Variants in IQCH observed in about 807,000 individuals in gnomAD.
IQCH encodes IQ motif containing H.
A neutral mutation model predicts 117.0 loss-of-function variants in IQCH; 98 were observed. The ratio of observed to expected loss-of-function variants is 0.84; its 90% CI spans 0.71 to 0.99. The LOEUF (loss-of-function observed/expected upper bound fraction) is 0.99. Among genes scored for constraint, IQCH ranks in the 50% least tolerant of loss-of-function variants. The pLI, the probability that IQCH is intolerant of heterozygous loss-of-function variation, is 0.00. For missense variants in IQCH, 1,102 were observed against 1,243.8 expected, an observed-to-expected ratio of 0.89 and a Z score of 1.72; for synonymous variants, 412 against 448.2, an observed-to-expected ratio of 0.92 and a Z score of 1.02.
intron 18 of IQCH, among the ~76,000 whole-genome samples, chr15:67,480,272 A>G (rs1283446076): frequency 6.6e-6 from 1 of 152,216 alleles, no homozygotes; most frequent in Non-Finnish European, 1.5e-5. Context: ...CTCCTCCTGA[A>G]GTTGGGCATG....
rs1362795318 is a variant in IQCH at position 67,425,856 on chromosome 15, C to A, written c.2505+4279C>A. On this transcript the variant is annotated intron_variant, in intron 16 of 20. Transcript: ENST00000335894. This position sits in a 1 kb window ranked among gnomAD's most constrained non-coding sequence, Gnocchi z 5.5. ...GCAAGAAACAATTTTCCTTCTCCAC[C>A]TCTCATTTATGCCTGTAGGTCTGTA... Among the ~76,000 whole-genome samples the A allele has an allele frequency of 6.6e-6, 1 of 152,112 alleles. No homozygotes were observed. Among genetic ancestry groups the A allele is most frequent in the Admixed American group, 6.5e-5 (1 of 15,270 alleles).
At chr15:67,299,527 T>C (rs1230655784) in intron 4 of IQCH, among the ~76,000 whole-genome samples, 2 of 152,184 alleles carry the variant, frequency 1.3e-5, no homozygotes, top group East Asian at 3.8e-4. Context: ...ACTCATTATA[T>C]GCTTGTATGA....
intron 10 of IQCH, among the ~76,000 whole-genome samples, chr15:67,375,129 T>C (rs1031523839): frequency 5.3e-5 from 8 of 152,096 alleles, no homozygotes; most frequent in Non-Finnish European, 1.2e-4. Flanking sequence ...ATAAAAAAAT[T>C]TGAGTGAAAG....
At position 67,391,146 on chromosome 15, in the gene IQCH, C is replaced by G. The variant is rs554107127; in HGVS notation, c.1632+2140C>G. Among the ~76,000 whole-genome samples, 1 of 152,168 alleles carries G rather than the reference C, an allele frequency of 6.6e-6. No individual in the cohort carries two copies. Among genetic ancestry groups the G allele is most frequent in the East Asian group, 2.0e-4 (1 of 5,112 alleles). The stretch of plus-strand genomic sequence containing the variant: ...ACTCTGGCTTCTAGTGGACTAGAAG[C>G]CAGGAGACAGGCACTCACAGATGCA... On this transcript the variant is annotated intron_variant, in intron 12 of 20. Coordinates refer to ENST00000335894, the MANE Select transcript of IQCH (RefSeq NM_001031715.3). This position sits in a 1 kb window ranked among gnomAD's most constrained non-coding sequence, Gnocchi z 4.3.
At chr15:67,410,876 G>A (rs968897077) in intron 14 of IQCH, among the ~76,000 whole-genome samples, 18 of 152,168 alleles carry the variant, frequency 1.2e-4, no homozygotes, top group African/African-American at 3.6e-4. Flanking sequence ...CTTGATGGCA[G>A]TTACCAGCAC....
intron 16 of IQCH, among the ~76,000 whole-genome samples, chr15:67,450,653 A>G (rs2082501555): frequency 6.6e-6 from 1 of 152,152 alleles, no homozygotes; most frequent in Non-Finnish European, 1.5e-5. Flanking sequence ...TTTTGCATCA[A>G]TGTTCATCAA....
chr15:67,296,693 A>G (rs146155358), intron 4 of IQCH, among the ~76,000 whole-genome samples: 47 of 152,274 alleles, frequency 3.1e-4, no homozygotes, highest in African/African-American at 1.1e-3. Context: ...TCCATCACCT[A>G]ACATTTCTTT....
At chr15:67,338,054 A>G (rs576003889) in intron 5 of IQCH, among the ~76,000 whole-genome samples, 1 of 152,322 alleles carries the variant, frequency 6.6e-6, no homozygotes, top group African/African-American at 2.4e-5. Flanking sequence ...TATGCTTTCT[A>G]GTTAGCTTAT....
chr15:67,398,913 A>G (rs879900679), intron 13 of IQCH, among the ~76,000 whole-genome samples: 10 of 152,176 alleles, frequency 6.6e-5, no homozygotes, highest in Non-Finnish European at 1.3e-4. Flanking sequence ...AGAAGACAAG[A>G]CAGAAAAATC....
intron 4 of IQCH, among the ~76,000 whole-genome samples, chr15:67,283,207 G>T (rs8029582): frequency 0.68 from 103,748 of 152,004 alleles, 35,856 homozygotes; most frequent in Middle Eastern, 0.84. Flanking sequence ...GCCAGTTGTT[G>T]AACCCCCACT....
In IQCH at chr15:67,407,843, C is replaced by G. The variant is rs1456393337; in HGVS notation, c.2097+7538C>G. The G allele has an allele frequency of 6.6e-6, 1 of 152,186 alleles. No individual in the cohort carries two copies. The highest frequency in any genetic ancestry group is 2.4e-5 in the African/African-American group (1 of 41,440). The allele number at this position is 152,186 out of a possible 1,614,324, so 9.4% of individuals were successfully genotyped here. ...AGTCTGGAAACACTCTACCTTCCAG[C>G]CATTAGCTCTCACTAATTCATAGCA... On this transcript the variant is annotated intron_variant, in intron 14 of 20. Coordinates refer to ENST00000335894, the MANE Select transcript of IQCH (RefSeq NM_001031715.3). The surrounding 1 kb of genome is among the most constrained non-coding windows in gnomAD (Gnocchi z 5.3).
Position 67,408,023 on chromosome 15 carries a change from CA to C in IQCH, c.2097+7721del, listed in dbSNP as rs2081352963. On this transcript the variant is annotated intron_variant, in intron 14 of 20. Coordinates refer to ENST00000335894, the MANE Select transcript of IQCH (RefSeq NM_001031715.3). The surrounding 1 kb of genome is among the most constrained non-coding windows in gnomAD (Gnocchi z 4.2). The stretch of plus-strand genomic sequence containing the variant: ...CACCATCTGGGGACTGGAGGAGAGG[CA>C]AATGCTTGAAAACAGCAGTGAGGCG... 6.6e-6 allele frequency: 1 copy of C among 152,222 alleles called. No homozygotes were observed. The highest frequency in any genetic ancestry group is 1.5e-5 in the Non-Finnish European group (1 of 68,048). 9.4% of individuals were successfully genotyped at this position (152,222 alleles called of 1,614,324 possible). A position where few individuals can be genotyped will look rare whatever the true frequency, so the allele number is the denominator to read the frequency against.
chr15:67,475,700 T>C lies in IQCH; in HGVS notation c.2681T>C (p.Leu894Pro). 3 of 1,613,924 alleles carry C rather than the reference T, an allele frequency of 1.9e-6. No individual in the cohort carries two copies. Among genetic ancestry groups the C allele is most frequent in the Non-Finnish European group, 2.5e-6 (3 of 1,179,868 alleles). Residue 894 changes from leucine (L) to proline (P), a missense_variant, in exon 18 of 21, where the codon CTG (leucine) becomes CCG (proline). Around this residue, in one of 2 missense-constraint regions of IQCH, gnomAD observed 650 missense variants for 794.3 expected, o/e 0.82. Transcript: ENST00000335894. This position sits in a 1 kb window ranked among gnomAD's most constrained non-coding sequence, Gnocchi z 5.7. ...TTCAGTTGTGCTCCTTTCCAGATGC[T>C]GGCAACCAGTCGCTATGCAGTGATG... ...KCMSALSMPM[L>P]ATSRYAVMTT...
rs1203197041 is a variant in IQCH at position 67,408,966 on chromosome 15, T to A, written c.2098-7965T>A. 6.6e-6 allele frequency among the ~76,000 whole-genome samples: 1 copy of A among 152,204 alleles called. No homozygotes were observed. The highest frequency in any genetic ancestry group is 1.5e-5 in the Non-Finnish European group (1 of 68,034). On this transcript the variant is annotated intron_variant, in intron 14 of 20. Transcript: ENST00000335894. This position sits in a 1 kb window ranked among gnomAD's most constrained non-coding sequence, Gnocchi z 4.2. ...TTAATATAATTTCCTTAAAACCATT[T>A]TCCAATGTTAAAAACGTTTCTAAAA... is the stretch of plus-strand genomic sequence containing the variant.
rs566374465 is a variant in IQCH at position 67,409,852 on chromosome 15, A to G, written c.2098-7079A>G. Among the ~76,000 whole-genome samples, 24 of 152,342 alleles carry G rather than the reference A, an allele frequency of 1.6e-4. No individual in the cohort carries two copies. The South Asian group carries it at 4.1e-3, about 26-fold the overall frequency. On this transcript the variant is annotated intron_variant, in intron 14 of 20. Coordinates refer to ENST00000335894, the MANE Select transcript of IQCH (RefSeq NM_001031715.3). ...ACCTTCTACAGCAGCATAATTTTCC[A>G]TCTCATCGAAGGCAAAGTTGGCATT...
chr15:67,400,093 G>A, intron 13 of IQCH, 21 bp from the exon 14 acceptor site: 1 of 1,604,928 alleles, frequency 6.2e-7, no homozygotes, highest in Non-Finnish European at 8.5e-7. Flanking sequence ...ATTAAATGCA[G>A]CTGTGTCTTT....
intron 12 of IQCH, among the ~76,000 whole-genome samples, 174 bp downstream of exon 12, chr15:67,389,180 CA>C (rs1298564762): frequency 1.3e-5 from 2 of 152,216 alleles, no homozygotes; most frequent in Admixed American, 6.5e-5. Flanking sequence ...GTTTAACTTT[CA>C]GACTTAGTGG....
rs1320259032 is a variant in IQCH at position 67,463,972 on chromosome 15, A to G, written c.2506-1155A>G. ...ATTCTCGTGCCTCAGCCTCCCAAGT[A>G]TCTGAGATTACAGGCGCACGCCACC... On this transcript the variant is annotated intron_variant, in intron 16 of 20. Coordinates refer to ENST00000335894, the MANE Select transcript of IQCH (RefSeq NM_001031715.3). The surrounding 1 kb of genome is among the most constrained non-coding windows in gnomAD (Gnocchi z 4.0). Among the ~76,000 whole-genome samples the G allele has an allele frequency of 6.6e-6, 1 of 152,112 alleles. No homozygotes were observed. The highest frequency in any genetic ancestry group is 1.5e-5 in the Non-Finnish European group (1 of 68,020).
chr15:67,372,423 A>G lies in IQCH; in HGVS notation c.1066A>G (p.Ile356Val). The G allele has an allele frequency of 6.2e-7, 1 of 1,614,124 alleles. No individual in the cohort carries two copies. The highest frequency in any genetic ancestry group is 1.7e-5 in the Admixed American group (1 of 60,014). ...GGACCCAGCTCATGTCCAAATGCTG[A>G]TAAATCTTCCAGGGCAAAGGTACAA... is the stretch of plus-strand genomic sequence containing the variant. ...LEDPAHVQML[I>V]NLPGQRYKGQ... The change falls in exon 9 of 21, where the codon ATA (isoleucine) becomes GTA (valine). Residue 356 changes from isoleucine (I) to valine (V), a missense_variant. Transcript: ENST00000335894.
Sources: allele counts gnomAD v4.1 joint callset (sites outside exome capture counted in the v4.1 genomes callset), GRCh38; gene constraint gnomAD v4.1.1; regional missense constraint gnomAD v4.1.1; non-coding constraint Gnocchi (gnomAD v3.1); transcripts MANE v1.5; gene names NCBI Gene and HGNC (gene_info 2026-07-23, HGNC 2026-07-21).